ZNF845: variants seen among roughly 807,000 people sequenced by gnomAD.
ZNF845 encodes zinc finger protein 845.
ZNF845 carries 59 observed loss-of-function variants against 76.1 expected under a neutral mutation model. The ratio of observed to expected loss-of-function variants is 0.78; its 90% CI spans 0.63 to 0.96. ZNF845 has a LOEUF of 0.96. Ranked by LOEUF, ZNF845 falls within the 40% of genes least tolerant of loss-of-function variation. The pLI is 0.00. For missense variants in ZNF845, 1,045 were observed against 1,172.8 expected, an observed-to-expected ratio of 0.89 and a Z score of 1.59; for synonymous variants, 361 against 386.9, an observed-to-expected ratio of 0.93 and a Z score of 0.78.
chr19:53,345,551 G>A lies in ZNF845; in HGVS notation c.61G>A (p.Glu21Lys), dbSNP rs2085288794. 1 of 1,613,470 alleles carries A rather than the reference G, an allele frequency of 6.2e-7. No homozygotes were observed. The highest frequency in any genetic ancestry group is 2.2e-5 in the East Asian group (1 of 44,858). Reference protein sequence around the residue: ...RDVAIEFSQEEWKCLDPAQRT... With the variant: ...RDVAIEFSQEKWKCLDPAQRT... ...TGTGGCCATAGAATTCTCTCAGGAA[G>A]AGTGGAAGTGCCTGGACCCTGCTCA... is the stretch of plus-strand genomic sequence containing the variant. Residue 21 changes from glutamate (E) to lysine (K), a missense_variant, in exon 3 of 4, where the codon GAG becomes AAG. Physicochemically the swap from Glu to Lys is moderately conservative, Grantham distance 56. Transcript: ENST00000458035.
rs2085288193 is a variant in ZNF845 at position 53,345,524 on chromosome 19, G to A, written c.34G>A (p.Asp12Asn). The change falls in exon 3 of 4, where the codon GAT becomes AAT. Residue 12 changes from aspartate to asparagine, a missense_variant. Asp to Asn is a conservative substitution (Grantham distance 23, BLOSUM62 1). Transcript: ENST00000458035. Reference protein sequence around the residue: ...ALSQGLLTFRDVAIEFSQEEW... With the variant: ...ALSQGLLTFRNVAIEFSQEEW... ...ATTTCAGGGTCTATTGACATTCAGGGATGTGGCCATAGAATTCTCTCAGGA... is the reference window on the plus strand; with the variant it reads ...ATTTCAGGGTCTATTGACATTCAGGAATGTGGCCATAGAATTCTCTCAGGA... 1 of 1,613,486 alleles carries A rather than the reference G, an allele frequency of 6.2e-7. No homozygotes were observed. Among genetic ancestry groups the A allele is most frequent in the South Asian group, 1.1e-5 (1 of 91,034 alleles).
At chr19:53,341,423 C>G (rs1189414206) in intron 2 of ZNF845, 101 bp downstream of exon 2, 44 of 1,544,808 alleles carry the variant, frequency 2.8e-5, no homozygotes, top group Non-Finnish European at 3.4e-5. Context: ...TCCTGCCTGA[C>G]AGGTTTGCTC....
In ZNF845 at chr19:53,352,103, C is replaced by T. The variant is rs768079307; in HGVS notation, c.1428C>T (p.Phe476=). 24 of 1,611,652 alleles carry T rather than the reference C, an allele frequency of 1.5e-5. No individual in the cohort carries two copies. In the African/African-American group the frequency reaches 3.0e-4, roughly 20 times the overall value. The part of the protein sequence containing the change: ...PYKCNDCGKT[F]SQTSSLVYHR... ...AGTGTAATGATTGTGGCAAGACCTT[C>T]AGTCAGACATCATCCCTTGTATACC... The change falls in exon 4 of 4, where the codon TTC becomes TTT. Residue 476 remains phenylalanine, a synonymous_variant. Transcript: ENST00000458035.
At position 53,345,584 on chromosome 19, in the gene ZNF845, C is replaced by G; in HGVS notation, c.94C>G (p.Leu32Val). The G allele has an allele frequency of 6.2e-7, 1 of 1,612,850 alleles. No homozygotes were observed. Among genetic ancestry groups the G allele is most frequent in the Non-Finnish European group, 8.5e-7 (1 of 1,179,214 alleles). The part of the protein sequence containing the change: ...WKCLDPAQRT[L>V]YRDVMLENYR... ...GTGCCTGGACCCTGCTCAGAGGACT[C>G]TATACAGGGACGTGATGCTGGAGAA... The change falls in exon 3 of 4, where the codon CTA becomes GTA. Residue 32 changes from leucine (L) to valine (V), a missense_variant. Transcript: ENST00000458035.
intron 1 of ZNF845, among the ~76,000 whole-genome samples, chr19:53,335,129 T>G (rs1490560517): frequency 1.3e-5 from 2 of 152,208 alleles, no homozygotes; most frequent in African/African-American, 4.8e-5. Flanking sequence ...GAATCCCTAT[T>G]CAGCCAGAGG....
At chr19:53,339,479 A>C (rs545459019) in intron 1 of ZNF845, among the ~76,000 whole-genome samples, 10 of 152,176 alleles carry the variant, frequency 6.6e-5, no homozygotes, top group African/African-American at 2.4e-4. Context: ...CAAGTCTTCC[A>C]CCTTCGTGTC....
At chr19:53,345,812 T>C (rs1200115887) in intron 3 of ZNF845, among the ~76,000 whole-genome samples, 180 bp downstream of exon 3, 1 of 151,926 alleles carries the variant, frequency 6.6e-6, no homozygotes, top group Non-Finnish European at 1.5e-5. Context: ...CCTCCCCCAG[T>C]AGCTGGTACA....
rs1277046883 is a variant in ZNF845, at chr19:53,345,507, G to T, written c.17G>T (p.Gly6Val). 8 of 1,613,538 alleles carry T rather than the reference G, an allele frequency of 5.0e-6. No homozygotes were observed. In the African/African-American group the frequency reaches 6.7e-5, roughly 13 times the overall value. The change falls in exon 3 of 4, where the codon GGT becomes GTT. Residue 6 changes from glycine (G) to valine (V), a missense_variant and splice_region_variant. Gly to Val is a moderately radical substitution (Grantham distance 109). Coordinates refer to ENST00000458035, the MANE Select transcript of ZNF845 (RefSeq NM_138374.3). Reference sequence around the variant, plus strand: ...CCTTAAAATGTGTTTTCATTTCAGGGTCTATTGACATTCAGGGATGTGGCC... The same window carrying T: ...CCTTAAAATGTGTTTTCATTTCAGGTTCTATTGACATTCAGGGATGTGGCC... Reference protein sequence around the residue: MALSQGLLTFRDVAIE... With the variant: MALSQVLLTFRDVAIE...
At chr19:53,344,463 G>A in intron 2 of ZNF845, among the ~76,000 whole-genome samples, 1 of 152,070 alleles carries the variant, frequency 6.6e-6, no homozygotes, top group East Asian at 1.9e-4. Context: ...ACTTGATCCT[G>A]GGAGGTGGAG....
chr19:53,335,656 C>T (rs1258827774), intron 1 of ZNF845, among the ~76,000 whole-genome samples: 1 of 151,666 alleles, frequency 6.6e-6, no homozygotes, highest in Non-Finnish European at 1.5e-5. Flanking sequence ...GGATGGAGTG[C>T]AATGGCACAA....
At chr19:53,347,414 C>T (rs1304662139) in intron 3 of ZNF845, among the ~76,000 whole-genome samples, 1 of 150,360 alleles carries the variant, frequency 6.7e-6, no homozygotes, top group East Asian at 2.0e-4. Flanking sequence ...GCAGCTGGGA[C>T]TACAGGCACA....
intron 2 of ZNF845, among the ~76,000 whole-genome samples, chr19:53,342,934 T>A (rs2147035576): frequency 6.6e-6 from 1 of 152,256 alleles, no homozygotes; most frequent in Non-Finnish European, 1.5e-5. Flanking sequence ...TTCTCCTGCC[T>A]CAGCGTCCCG....
chr19:53,350,960 T>C lies in ZNF845; in HGVS notation c.285T>C (p.His95=). The part of the protein sequence containing the change: ...FCFQEMEKDI[H]DFEFQWKEDE... Reference sequence around the variant, plus strand: ...TCCAGGAAATGGAGAAAGATATTCATGATTTTGAGTTTCAGTGGAAAGAAG... The same window carrying C: ...TCCAGGAAATGGAGAAAGATATTCACGATTTTGAGTTTCAGTGGAAAGAAG... The change falls in exon 4 of 4, where the codon CAT becomes CAC. Residue 95 remains histidine, a synonymous_variant. Transcript: ENST00000458035. 6.2e-7 allele frequency: 1 copy of C among 1,614,154 alleles called. No individual in the cohort carries two copies. Among genetic ancestry groups the C allele is most frequent in the Non-Finnish European group, 8.5e-7 (1 of 1,180,030 alleles).
intron 3 of ZNF845, chr19:53,346,363 C>T: frequency 2.8e-6 from 1 of 361,192 alleles, no homozygotes; most frequent in Non-Finnish European, 5.3e-6. Flanking sequence ...GATCTTGGCT[C>T]ACCGCAGCCG....
intron 1 of ZNF845, among the ~76,000 whole-genome samples, chr19:53,338,066 T>C (rs1431757439): frequency 6.6e-6 from 1 of 152,096 alleles, no homozygotes; most frequent in Non-Finnish European, 1.5e-5. Context: ...GGATGCACAG[T>C]TCCCATCTTG....
chr19:53,339,160 AG>A (rs1196730394), intron 1 of ZNF845, among the ~76,000 whole-genome samples: 2 of 151,974 alleles, frequency 1.3e-5, no homozygotes, highest in African/African-American at 4.8e-5. Context: ...TTCCACAAAG[AG>A]GGGCCACTGG....
intron 1 of ZNF845, among the ~76,000 whole-genome samples, chr19:53,334,736 C>T (rs1338214197): frequency 1.8e-5 from 2 of 114,144 alleles, no homozygotes; most frequent in Admixed American, 9.4e-5. Flanking sequence ...CCCCCCCCCC[C>T]ATCTCTGTCA....
At chr19:53,349,817 C>T (rs915477303) in intron 3 of ZNF845, among the ~76,000 whole-genome samples, 4 of 152,082 alleles carry the variant, frequency 2.6e-5, no homozygotes, top group African/African-American at 9.7e-5. Flanking sequence ...GCCTAAATTG[C>T]TTGAGTCTAA....
chr19:53,352,624 T>G lies in ZNF845; in HGVS notation c.1949T>G (p.Leu650Arg). Residue 650 changes from leucine (L) to arginine (R), a missense_variant, in exon 4 of 4, where the codon CTT (leucine) becomes CGT (arginine). Leu to Arg is a moderately radical substitution (Grantham distance 102). Coordinates refer to ENST00000458035, the MANE Select transcript of ZNF845 (RefSeq NM_138374.3). ...CDEAFSFKSN[L>R]QRHRRIHTGE... ...GAAGCTTTCAGTTTCAAATCAAACC[T>G]TCAAAGACATAGGAGAATTCATACT... 14 of 1,613,530 alleles carry G rather than the reference T, an allele frequency of 8.7e-6. No homozygotes were observed. Among genetic ancestry groups the G allele is most frequent in the Non-Finnish European group, 9.3e-6 (11 of 1,179,842 alleles).
Sources: allele counts gnomAD v4.1 joint callset (sites outside exome capture counted in the v4.1 genomes callset), GRCh38; gene constraint gnomAD v4.1.1; transcripts MANE v1.5; gene names NCBI Gene and HGNC (gene_info 2026-07-23, HGNC 2026-07-21).